The following PHF14 variants were observed in gnomAD, a reference collection of about 807,000 sequenced individuals.
The protein encoded by PHF14 is PHD finger protein 14.
In PHF14, 55 loss-of-function variants were observed where a neutral mutation model predicts 117.9. That is an observed-to-expected ratio of 0.47 (90% CI 0.38 to 0.58). The LOEUF (loss-of-function observed/expected upper bound fraction) is 0.58, where lower values mean the gene tolerates loss of function less well. Among genes scored for constraint, PHF14 ranks in the 20% least tolerant of loss-of-function variants. PHF14 has a pLI of 0.00. For missense variants in PHF14, 978 were observed against 1,122.2 expected (o/e 0.87, Z 1.84); for synonymous variants, 409 against 368.6 (o/e 1.11, Z -1.26).
chr7:10,990,710 T>C lies in PHF14; in HGVS notation c.908T>C (p.Leu303Pro). The change falls in exon 4 of 18, where the codon CTG becomes CCG. Residue 303 changes from leucine (L) to proline (P), a missense_variant. Coordinates refer to ENST00000634607, the MANE Select transcript of PHF14 (RefSeq NM_001007157.2). ...TTAATATTTTAATATTAGGACTCGC[T>C]GATTCTTGAGAAGAGTCAAAACTGG... ...LSQSKSNEDS[L>P]ILEKSQNWSS... 2 of 1,533,818 alleles carry C rather than the reference T, an allele frequency of 1.3e-6. No homozygotes were observed. Among genetic ancestry groups the C allele is most frequent in the Non-Finnish European group, 1.8e-6 (2 of 1,131,484 alleles).
At chr7:11,047,952 A>AG (rs1212185123) in intron 13 of PHF14, among the ~76,000 whole-genome samples, 1 of 31,906 alleles carries the variant, frequency 3.1e-5, no homozygotes, top group Non-Finnish European at 5.9e-5. Flanking sequence ...AGAGGGAGGG[A>AG]GGGGGAGGGA....
chr7:11,136,935 A>T (rs1788237005), intron 17 of PHF14, among the ~76,000 whole-genome samples: 1 of 152,230 alleles, frequency 6.6e-6, no homozygotes, highest in African/African-American at 2.4e-5. Flanking sequence ...AACAATTAAT[A>T]TGTAAAGATA....
At chr7:11,023,179 G>A (rs3815234) in intron 6 of PHF14, among the ~76,000 whole-genome samples, 200 bp downstream of exon 6, 10,646 of 152,142 alleles carry the variant, frequency 0.07, 1,135 homozygotes, top group African/African-American at 0.23. Flanking sequence ...TTAATTTAGA[G>A]TAACGTATGA....
chr7:11,047,531 C>G (rs926292466), intron 13 of PHF14, among the ~76,000 whole-genome samples: 1 of 151,308 alleles, frequency 6.6e-6, no homozygotes, highest in African/African-American at 2.4e-5. Flanking sequence ...CGCAGTGGCT[C>G]ATGTCTGTAA....
At chr7:11,108,847 C>T (rs758649231) in intron 16 of PHF14, 24 of 151,698 alleles carry the variant, frequency 1.6e-4, no homozygotes, top group Non-Finnish European at 3.1e-4. Flanking sequence ...TTATGATACA[C>T]ATGCATCATG....
At chr7:11,006,294 A>T (rs532007444) in intron 4 of PHF14, 1 of 396,416 alleles carries the variant, frequency 2.5e-6, no homozygotes, top group Non-Finnish European at 4.9e-6. Flanking sequence ...CATTTGCCAC[A>T]TTTTGTTTTC....
chr7:10,999,203 A>G (rs769007689), intron 4 of PHF14, among the ~76,000 whole-genome samples: 1 of 152,192 alleles, frequency 6.6e-6, no homozygotes, highest in Non-Finnish European at 1.5e-5. Flanking sequence ...TTCTTCTAGC[A>G]CAATCTGCTG....
At chr7:11,141,165 C>T (rs550499929) in intron 17 of PHF14, among the ~76,000 whole-genome samples, 41 of 152,020 alleles carry the variant, frequency 2.7e-4, no homozygotes, top group Non-Finnish European at 5.3e-4. Context: ...TCCAGTTACA[C>T]CTTAAGTTTT....
intron 16 of PHF14, chr7:11,063,241 T>C (rs1220133657): frequency 1.0e-6 from 1 of 984,456 alleles, no homozygotes; most frequent in African/African-American, 1.8e-5. Flanking sequence ...TCATGTAGAG[T>C]GTGTTGGGAG....
At position 11,046,329 on chromosome 7, in the gene PHF14, C is replaced by T. The variant is rs60979082; in HGVS notation, c.2312+3515C>T. Among the ~76,000 whole-genome samples, 536 of 152,222 alleles carry T rather than the reference C, an allele frequency of 3.5e-3. 2 individuals are homozygous for T. The highest frequency in any genetic ancestry group is 0.013 in the African/African-American group (521 of 41,546). The stretch of plus-strand genomic sequence containing the variant: ...TAGAAGACTAATGTTATATTTCTGC[C>T]TCCACTCATCTGATTGGAACTTGTG... On this transcript the variant is annotated intron_variant, in intron 13 of 17. Coordinates refer to ENST00000634607, the MANE Select transcript of PHF14 (RefSeq NM_001007157.2).
At chr7:11,148,792 T>C (rs1788626009) in intron 17 of PHF14, among the ~76,000 whole-genome samples, 1 of 152,202 alleles carries the variant, frequency 6.6e-6, no homozygotes, top group Admixed American at 6.6e-5. Context: ...AAATGTTTAT[T>C]TCAATTCTAG....
chr7:11,084,109 A>G (rs1460864621), intron 16 of PHF14, among the ~76,000 whole-genome samples: 2 of 152,236 alleles, frequency 1.3e-5, no homozygotes, highest in Non-Finnish European at 2.9e-5. Flanking sequence ...AGTAAAAATA[A>G]TTACAGAACT....
intron 16 of PHF14, among the ~76,000 whole-genome samples, chr7:11,065,442 C>CTA (rs1276937180): frequency 2.0e-5 from 3 of 151,962 alleles, no homozygotes; most frequent in African/African-American, 7.3e-5. Context: ...TAAATGAACT[C>CTA]TACATAAGTA....
At chr7:11,090,720 A>G (rs1168284133) in intron 16 of PHF14, among the ~76,000 whole-genome samples, 2 of 152,192 alleles carry the variant, frequency 1.3e-5, no homozygotes, top group South Asian at 2.1e-4. Context: ...ATTTCATATT[A>G]AAGATACTGA....
intron 17 of PHF14, among the ~76,000 whole-genome samples, chr7:11,151,618 A>C (rs1788703980): frequency 6.6e-6 from 1 of 152,122 alleles, no homozygotes; most frequent in African/African-American, 2.4e-5. Context: ...GCATTGTGTC[A>C]GAGTTTTGTA....
intron 17 of PHF14, among the ~76,000 whole-genome samples, chr7:11,120,795 T>C (rs1787729269): frequency 6.6e-6 from 1 of 152,078 alleles, no homozygotes; most frequent in Non-Finnish European, 1.5e-5. Flanking sequence ...ATTTAGAAAC[T>C]AAAGGTTTGT....
intron 13 of PHF14, among the ~76,000 whole-genome samples, chr7:11,045,050 C>T (rs1377111727): frequency 6.6e-6 from 1 of 152,150 alleles, no homozygotes; most frequent in Non-Finnish European, 1.5e-5. Context: ...GTTGCTACTA[C>T]ACACCCTTTT....
At chr7:11,030,829 A>G (rs960577986) in intron 7 of PHF14, among the ~76,000 whole-genome samples, 1 of 152,172 alleles carries the variant, frequency 6.6e-6, no homozygotes, top group East Asian at 1.9e-4. Flanking sequence ...TTTAAAGCAT[A>G]TTTACATATA....
At chr7:11,009,535 A>G (rs1783262418) in intron 4 of PHF14, among the ~76,000 whole-genome samples, 1 of 152,216 alleles carries the variant, frequency 6.6e-6, no homozygotes, top group Non-Finnish European at 1.5e-5. Flanking sequence ...TACCCATATG[A>G]AAAAGAAAAT....
Sources: gnomAD v4.1 joint callset for allele counts (sites outside exome capture counted in the v4.1 genomes callset) on GRCh38, gnomAD v4.1.1 for gene constraint, MANE v1.5 for transcripts, NCBI Gene and HGNC (gene_info 2026-07-23, HGNC 2026-07-21) for gene names.